Variants in DAB2IP observed in about 807,000 individuals in gnomAD.
DAB2IP encodes the protein disabled homolog 2-interacting protein.
DAB2IP carries 28 observed loss-of-function variants against 107.2 expected under a neutral mutation model. The observed-to-expected ratio is 0.26, with a 90% CI of 0.19 to 0.36. The LOEUF (loss-of-function observed/expected upper bound fraction) is 0.36, where lower values mean the gene tolerates loss of function less well. DAB2IP is among the 10% of genes least tolerant of loss of function. The probability of loss-of-function intolerance (pLI) is 1.00; values close to 1 mark genes in which losing one functional copy is unlikely to be tolerated. For synonymous variants in DAB2IP, 755 were observed against 706.4 expected (o/e 1.07, Z -1.09); for missense variants, 1,400 against 1,644.7 (o/e 0.85, Z 2.57).
chr9:121,651,395 G>A (rs993830352), upstream of DAB2IP, among the ~76,000 whole-genome samples: 15 of 152,162 alleles, frequency 9.9e-5, no homozygotes, highest in Non-Finnish European at 5.9e-5. This position sits in a 1 kb window ranked among gnomAD's most constrained non-coding sequence, Gnocchi z 5.1. Context: ...TGCCTGGTGC[G>A]CCCTCAGGTC....
chr9:121,670,979 C>T (rs770439660), intron 1 of DAB2IP, among the ~76,000 whole-genome samples: 6 of 152,038 alleles, frequency 3.9e-5, no homozygotes, highest in Non-Finnish European at 5.9e-5. Flanking sequence ...GGTGAAACCC[C>T]GTCTCTACTA....
At chr9:121,610,281 C>T (rs2118973662) in intron 1 of DAB2IP, among the ~76,000 whole-genome samples, 1 of 152,220 alleles carries the variant, frequency 6.6e-6, no homozygotes, top group Non-Finnish European at 1.5e-5. Context: ...GCTGTGTGAC[C>T]CTGAGTACGG....
chr9:121,759,824 C>T, intron 5 of DAB2IP, 61 bp from the exon 6 acceptor site: 1 of 1,476,634 alleles, frequency 6.8e-7, no homozygotes, highest in Non-Finnish European at 9.2e-7. Flanking sequence ...AGGCTCTGGG[C>T]TGGTTGGGGG....
chr9:121,614,337 CTTTTTTTTTTTTTT>C (rs35959966), intron 1 of DAB2IP, among the ~76,000 whole-genome samples: 1 of 102,772 alleles, frequency 9.7e-6, no homozygotes, highest in Non-Finnish European at 1.8e-5. Context: ...TCTTTCTTTT[CTTTTTTTTTTTTTT>C]TTTTTTTGAG....
chr9:121,665,602 G>A (rs1346365367), intron 1 of DAB2IP, among the ~76,000 whole-genome samples: 1 of 152,160 alleles, frequency 6.6e-6, no homozygotes, highest in African/African-American at 2.4e-5. Flanking sequence ...CTGTATGAAA[G>A]GATAACATGT....
In DAB2IP at chr9:121,626,723, C is replaced by T. The variant is rs557656287; in HGVS notation, c.41-51955C>T. 7.2e-5 allele frequency among the ~76,000 whole-genome samples: 11 copies of T among 152,232 alleles called. No homozygotes were observed. The East Asian group carries it at 2.1e-3, about 29-fold the overall frequency. On this transcript the variant is annotated intron_variant, in intron 1 of 16. Coordinates refer to the DAB2IP transcript ENST00000259371. ...ACAGGTGTGAGCCACCGCGCCCAGC[C>T]AGAAGAGAAACCTTGACAGCACCCC...
At chr9:121,667,958 C>A (rs1193794776) in intron 1 of DAB2IP, among the ~76,000 whole-genome samples, 1 of 152,108 alleles carries the variant, frequency 6.6e-6, no homozygotes, top group South Asian at 2.1e-4. Context: ...GCACTTCTTA[C>A]ATGGTGGTGG....
intron 3 of DAB2IP, among the ~76,000 whole-genome samples, chr9:121,710,057 A>G (rs1025836322): frequency 3.9e-5 from 6 of 152,044 alleles, no homozygotes; most frequent in African/African-American, 1.4e-4. Context: ...CGTGAGTTGC[A>G]TGGCCAGAAA....
chr9:121,783,699 T>TCCTCCTCACCCTTCCCGGCCC, exon 16 of DAB2IP: 1 of 1,042,726 alleles, frequency 9.6e-7, no homozygotes, highest in Non-Finnish European at 1.5e-6. Context: ...GTGGCCGGCC[T>TCCTCCTCACCCTTCCCGGCCC]CCTCCTCACC....
intron 1 of DAB2IP, among the ~76,000 whole-genome samples, chr9:121,592,414 C>G (rs952411885): frequency 6.6e-6 from 1 of 152,106 alleles, no homozygotes; most frequent in African/African-American, 2.4e-5. Context: ...GCTGGGTCAG[C>G]TTCCTGTCTG....
intron 1 of DAB2IP, among the ~76,000 whole-genome samples, chr9:121,659,445 C>A (rs765447775): frequency 6.6e-6 from 1 of 152,082 alleles, no homozygotes; most frequent in African/African-American, 2.4e-5. Context: ...TATGATGCAG[C>A]ATAGGGTGTC....
chr9:121,683,543 CAG>C (rs1332033417), intron 2 of DAB2IP, among the ~76,000 whole-genome samples: 12 of 152,170 alleles, frequency 7.9e-5, no homozygotes, highest in Non-Finnish European at 1.6e-4. Context: ...AATTAGGTCT[CAG>C]GGCTATTTTT....
At chr9:121,608,858 C>T (rs968785471) in intron 1 of DAB2IP, among the ~76,000 whole-genome samples, 2 of 152,240 alleles carry the variant, frequency 1.3e-5, no homozygotes, top group Admixed American at 6.5e-5. Context: ...TTTTCTGCTG[C>T]CTCTTGGTTT....
chr9:121,611,091 T>C (rs1232536765), intron 1 of DAB2IP, among the ~76,000 whole-genome samples: 2 of 152,194 alleles, frequency 1.3e-5, no homozygotes, highest in Admixed American at 1.3e-4. Flanking sequence ...TTCTCCTGCC[T>C]GAGCCCCCTG....
At chr9:121,771,394 C>T (rs758214044) in intron 11 of DAB2IP, among the ~76,000 whole-genome samples, 8 of 152,230 alleles carry the variant, frequency 5.3e-5, no homozygotes, top group South Asian at 2.1e-4. Flanking sequence ...CATGTGAGGC[C>T]GCAGCTGTAG....
chr9:121,776,210 C>G lies in DAB2IP; in HGVS notation c.3133C>G (p.Leu1045Val). 6.3e-7 allele frequency: 1 copy of G among 1,576,122 alleles called. No individual in the cohort carries two copies. Among genetic ancestry groups the G allele is most frequent in the Non-Finnish European group, 8.6e-7 (1 of 1,161,224 alleles). ...GCCCTCCTGGTAGGACCTGGCGGTG[C>G]TGCAGGACAAGCTGCGAATCTCCAC... The change falls in exon 14 of 16, where the codon CTG becomes GTG. Residue 1045 changes from leucine (L) to valine (V), a missense_variant. Coordinates refer to ENST00000408936, the Ensembl canonical transcript of DAB2IP. The surrounding 1 kb of genome is among the most constrained non-coding windows in gnomAD (Gnocchi z 5.4).
At chr9:121,759,066 G>A in intron 5 of DAB2IP, 70 bp downstream of exon 5, 1 of 1,467,462 alleles carries the variant, frequency 6.8e-7, no homozygotes, top group Middle Eastern at 1.7e-4. Context: ...AAACAAGAGA[G>A]ACTATCTCTG....
chr9:121,751,175 G>T (rs1270414633), intron 3 of DAB2IP: 1 of 180,656 alleles, frequency 5.5e-6, no homozygotes, highest in Non-Finnish European at 1.1e-5. Context: ...CCCCTGCCCG[G>T]CTGCTATGGA....
chr9:121,685,742 A>G (rs1828844242), intron 2 of DAB2IP, among the ~76,000 whole-genome samples: 1 of 152,258 alleles, frequency 6.6e-6, no homozygotes, highest in African/African-American at 2.4e-5. Context: ...AAGAGGATGA[A>G]AACGTAGTTG....
Sources: allele counts gnomAD v4.1 joint callset (sites outside exome capture counted in the v4.1 genomes callset), GRCh38; gene constraint gnomAD v4.1.1; non-coding constraint Gnocchi (gnomAD v3.1); transcripts MANE v1.5; gene names NCBI Gene and HGNC (gene_info 2026-07-23, HGNC 2026-07-21).